The following VAMP1 variants were observed in gnomAD, a reference collection of about 807,000 sequenced individuals.
The protein encoded by VAMP1 is vesicle-associated membrane protein 1.
In VAMP1, 16 loss-of-function variants were observed where a neutral mutation model predicts 19.1. That is an observed-to-expected ratio of 0.84 (90% confidence interval 0.57 to 1.27). VAMP1 has a LOEUF of 1.27. Among genes scored for constraint, VAMP1 ranks in the 50% most tolerant of loss-of-function variants. VAMP1 has a pLI of 0.00. For missense variants in VAMP1, 109 were observed against 145.4 expected, an observed-to-expected ratio of 0.75 and a Z score of 1.29; for synonymous variants, 37 against 50.2, an observed-to-expected ratio of 0.74 and a Z score of 1.11.
At chr12:6,466,741 T>C (rs992461486) in intron 1 of VAMP1, 1 of 181,360 alleles carries the variant, frequency 5.5e-6, no homozygotes, top group African/African-American at 2.4e-5. Flanking sequence ...CATCTGGGGC[T>C]ATCCTTTGAC....
chr12:6,466,275 TAGG>T lies in VAMP1; in HGVS notation c.76_78del (p.Pro26del). 1 of 1,614,174 alleles carries T rather than the reference TAGG, an allele frequency of 6.2e-7. No homozygotes were observed. The highest frequency in any genetic ancestry group is 1.1e-5 in the South Asian group (1 of 91,088). ...TGTAGTCGTCTGTTACTGGTCATGT[TAGG>T]AGGAGGGCCAGGGGGACCCCCACCT... On this transcript the variant is annotated inframe_deletion, in exon 2 of 5. Coordinates refer to ENST00000396308, the MANE Select transcript of VAMP1 (RefSeq NM_014231.5).
In VAMP1 at chr12:6,464,468, T is replaced by A; in HGVS notation, c.*2A>T. 1 of 1,548,154 alleles carries A rather than the reference T, an allele frequency of 6.5e-7. No homozygotes were observed. The highest frequency in any genetic ancestry group is 2.4e-5 in the East Asian group (1 of 41,706). ...GGACAACAGGGAAGGGGTGGTACAT[T>A]CTCAAGTAAAAAAGTAGACTGGACA... On this transcript the variant is annotated 3_prime_UTR_variant, in exon 5 of 5. Transcript: ENST00000396308.
At chr12:6,467,213 GAA>G (rs1950044240) in intron 1 of VAMP1, 1 of 161,136 alleles carries the variant, frequency 6.2e-6, no homozygotes, top group Non-Finnish European at 1.3e-5. Flanking sequence ...GGGTGTTGCT[GAA>G]AAGATACCCA....
At chr12:6,470,401 C>T (rs1945743223) in intron 1 of VAMP1, 129 bp downstream of exon 1, 3 of 1,423,702 alleles carry the variant, frequency 2.1e-6, no homozygotes, top group Middle Eastern at 1.8e-4. Flanking sequence ...GGTCCGGAAG[C>T]GGCGCGCGGT....
chr12:6,464,945 A>T lies in VAMP1; in HGVS notation c.289-4T>A. The T allele has an allele frequency of 1.2e-6, 2 of 1,613,790 alleles. No individual in the cohort carries two copies. The highest frequency in any genetic ancestry group is 1.7e-6 in the Non-Finnish European group (2 of 1,179,910). ...TGGCTCCCAGCATGATCATCATCTG[A>T]GGAAACATGGACAAAAAATGAGCCC... On this transcript the variant is annotated splice_region_variant and splice_polypyrimidine_tract_variant and intron_variant, in intron 3 of 4. Coordinates refer to ENST00000396308, the MANE Select transcript of VAMP1 (RefSeq NM_014231.5).
chr12:6,463,528 T>C lies in VAMP1; in HGVS notation c.*942A>G. 9.6e-7 allele frequency: 1 copy of C among 1,046,080 alleles called. No individual in the cohort carries two copies. The highest frequency in any genetic ancestry group is 1.2e-6 in the Non-Finnish European group (1 of 865,936). 64.8% of individuals were successfully genotyped at this position (1,046,080 alleles called of 1,614,324 possible). ...AGGAAGAGAGGAACAGGACCCTCTTTAACGAGGGCAAGGAGTGGCTTCCTC... is the reference window on the plus strand; with the variant it reads ...AGGAAGAGAGGAACAGGACCCTCTTCAACGAGGGCAAGGAGTGGCTTCCTC... On this transcript the variant is annotated 3_prime_UTR_variant, in exon 5 of 5. Transcript: ENST00000396308. This position sits in a 1 kb window ranked among gnomAD's most constrained non-coding sequence, Gnocchi z 4.0.
At chr12:6,467,745 G>A (rs1026848870) in intron 1 of VAMP1, among the ~76,000 whole-genome samples, 5 of 152,314 alleles carry the variant, frequency 3.3e-5, no homozygotes, top group African/African-American at 1.2e-4. Context: ...AAGTTATTTT[G>A]TGGGCCAGGC....
Position 6,463,964 on chromosome 12 carries a change from A to AC in VAMP1, c.*505dup. ...CTGAAACCAAGTTGGACTTTGGTCC[A>AC]CCCCCAGGACCCTCTTCAGGCCTGG... is the stretch of plus-strand genomic sequence containing the variant. On this transcript the variant is annotated 3_prime_UTR_variant, in exon 5 of 5. Coordinates refer to ENST00000396308, the MANE Select transcript of VAMP1 (RefSeq NM_014231.5). This position sits in a 1 kb window ranked among gnomAD's most constrained non-coding sequence, Gnocchi z 4.0. 3 of 1,290,164 alleles carry AC rather than the reference A, an allele frequency of 2.3e-6. No homozygotes were observed. Among genetic ancestry groups the AC allele is most frequent in the Non-Finnish European group, 3.0e-6 (3 of 989,510 alleles). The allele number at this position is 1,290,164 out of a possible 1,614,324, so 79.9% of individuals were successfully genotyped here. A position where few individuals can be genotyped will look rare whatever the true frequency, so the allele number is the denominator to read the frequency against.
At position 6,463,999 on chromosome 12, in the gene VAMP1, G is replaced by C; in HGVS notation, c.*471C>G. The C allele has an allele frequency of 7.7e-7, 1 of 1,291,934 alleles. No homozygotes were observed. The highest frequency in any genetic ancestry group is 1.0e-6 in the Non-Finnish European group (1 of 990,586). 80.0% of individuals were successfully genotyped at this position (1,291,934 alleles called of 1,614,324 possible). On this transcript the variant is annotated 3_prime_UTR_variant, in exon 5 of 5. Coordinates refer to ENST00000396308, the MANE Select transcript of VAMP1 (RefSeq NM_014231.5). The surrounding 1 kb of genome is among the most constrained non-coding windows in gnomAD (Gnocchi z 4.0). ...CCCTCTTCAGGCCTGGTCCAGGAAG[G>C]AAAGCTCCACATGACCAGGCAGTAC... is the stretch of plus-strand genomic sequence containing the variant.
chr12:6,470,604 G>C lies in VAMP1; in HGVS notation c.-73C>G, dbSNP rs1041875501. 1 of 1,596,046 alleles carries C rather than the reference G, an allele frequency of 6.3e-7. No homozygotes were observed. Among genetic ancestry groups the C allele is most frequent in the Non-Finnish European group, 8.6e-7 (1 of 1,165,726 alleles). ...CGAGACACCCGGTGAGGGACGCTGCGGCTGAAGTGGACGGAACTGCCAAGC... is the reference window on the plus strand; with the variant it reads ...CGAGACACCCGGTGAGGGACGCTGCCGCTGAAGTGGACGGAACTGCCAAGC... On this transcript the variant is annotated 5_prime_UTR_variant, in exon 1 of 5. Transcript: ENST00000396308.
chr12:6,463,720 A>G lies in VAMP1; in HGVS notation c.*750T>C. The G allele has an allele frequency of 8.7e-7, 1 of 1,152,704 alleles. No homozygotes were observed. The highest frequency in any genetic ancestry group is 1.6e-5 in the African/African-American group (1 of 61,574). 71.4% of individuals were successfully genotyped at this position (1,152,704 alleles called of 1,614,324 possible). ...TTGGTGCCCTCATACAGAATGCTGT[A>G]GAAAATGTAAAGAAGAGAAAGCTCC... is the stretch of plus-strand genomic sequence containing the variant. On this transcript the variant is annotated 3_prime_UTR_variant, in exon 5 of 5. Transcript: ENST00000396308. The surrounding 1 kb of genome is among the most constrained non-coding windows in gnomAD (Gnocchi z 4.0).
At position 6,470,512 on chromosome 12, in the gene VAMP1, A is replaced by G; in HGVS notation, c.2+18T>C. Reference sequence around the variant, plus strand: ...GTTGTCAAGGAGGTGCCGAGCCCCCACACCAGAGTCAACTCACATTTTTCT... The same window carrying G: ...GTTGTCAAGGAGGTGCCGAGCCCCCGCACCAGAGTCAACTCACATTTTTCT... On this transcript the variant is annotated intron_variant, in intron 1 of 4. Coordinates refer to ENST00000396308, the MANE Select transcript of VAMP1 (RefSeq NM_014231.5). 1 of 1,613,994 alleles carries G rather than the reference A, an allele frequency of 6.2e-7. No homozygotes were observed. Among genetic ancestry groups the G allele is most frequent in the Non-Finnish European group, 8.5e-7 (1 of 1,179,902 alleles).
intron 1 of VAMP1, chr12:6,466,852 ACC>A (rs1377352526): frequency 6.4e-6 from 1 of 156,084 alleles, no homozygotes; most frequent in African/African-American, 2.4e-5. Context: ...CTGTGTCCCC[ACC>A]CAAATCTCAA....
At chr12:6,470,447 G>A in intron 1 of VAMP1, 83 bp downstream of exon 1, 1 of 1,596,870 alleles carries the variant, frequency 6.3e-7, no homozygotes, top group Non-Finnish European at 8.6e-7. Context: ...GCTGCATTGC[G>A]CCATTTTCCG....
In VAMP1 at chr12:6,462,356, G is replaced by A. The variant is rs1470941170; in HGVS notation, c.*2114C>T. The A allele has an allele frequency of 1.2e-5, 6 of 520,462 alleles. No homozygotes were observed. The highest frequency in any genetic ancestry group is 9.6e-5 in the African/African-American group (5 of 52,082). The allele number at this position is 520,462 out of a possible 1,614,324, so 32.2% of individuals were successfully genotyped here. A position where few individuals can be genotyped will look rare whatever the true frequency, so the allele number is the denominator to read the frequency against. ...ATTACTCTATACAAGTATGAGATCAGGGTTAGGAAAAAAAGACAAAGAGGT... is the reference window on the plus strand; with the variant it reads ...ATTACTCTATACAAGTATGAGATCAAGGTTAGGAAAAAAAGACAAAGAGGT... On this transcript the variant is annotated 3_prime_UTR_variant, in exon 5 of 5. Coordinates refer to ENST00000396308, the MANE Select transcript of VAMP1 (RefSeq NM_014231.5).
rs553522561 is a variant in VAMP1 at position 6,470,663 on chromosome 12, G to A, written c.-132C>T. On this transcript the variant is annotated 5_prime_UTR_variant, in exon 1 of 5. Coordinates refer to ENST00000396308, the MANE Select transcript of VAMP1 (RefSeq NM_014231.5). ...GCGCCGACTACCCCGCGGTCTAGCT[G>A]CGCTGGAACTTACTGCAGCTGCCGC... The A allele has an allele frequency of 1.5e-5, 18 of 1,210,710 alleles. 1 individual carries two copies. The South Asian group carries it at 2.0e-4, about 14-fold the overall frequency. 75.0% of individuals were successfully genotyped at this position (1,210,710 alleles called of 1,614,324 possible).
rs371394320 is a variant in VAMP1 at position 6,463,965 on chromosome 12, C to G, written c.*505G>C. Reference sequence around the variant, plus strand: ...TGAAACCAAGTTGGACTTTGGTCCACCCCCAGGACCCTCTTCAGGCCTGGT... The same window carrying G: ...TGAAACCAAGTTGGACTTTGGTCCAGCCCCAGGACCCTCTTCAGGCCTGGT... On this transcript the variant is annotated 3_prime_UTR_variant, in exon 5 of 5. Transcript: ENST00000396308. The surrounding 1 kb of genome is among the most constrained non-coding windows in gnomAD (Gnocchi z 4.0). 3.1e-6 allele frequency: 4 copies of G among 1,290,304 alleles called. No individual in the cohort carries two copies. 79.9% of individuals were successfully genotyped at this position (1,290,304 alleles called of 1,614,324 possible).
chr12:6,466,997 CA>C (rs1293302045), intron 1 of VAMP1: 1 of 166,842 alleles, frequency 6.0e-6, no homozygotes, highest in Admixed American at 6.4e-5. Context: ...ATGGGTTTAT[CA>C]GTGGTTTCTG....
intron 3 of VAMP1, chr12:6,465,416 A>ATATATATATACATGTATATATATGTG (rs1565526280): frequency 1.1e-5 from 1 of 93,504 alleles, no homozygotes; most frequent in Non-Finnish European, 1.9e-5. Context: ...ATATATATGT[A>ATATATATATACATGTATATATATGTG]TATATATATA....
Sources: gnomAD v4.1 joint callset for allele counts (sites outside exome capture counted in the v4.1 genomes callset) on GRCh38, gnomAD v4.1.1 for gene constraint, Gnocchi (gnomAD v3.1) non-coding constraint, MANE v1.5 for transcripts, NCBI Gene and HGNC (gene_info 2026-07-23, HGNC 2026-07-21) for gene names.